The following INTS7 variants were observed in gnomAD, a reference collection of about 807,000 sequenced individuals.
The protein encoded by INTS7 is integrator complex subunit 7, also known as chromosome 1 open reading frame 73.
INTS7 carries 46 observed loss-of-function variants against 109.2 expected under a neutral mutation model. The ratio of observed to expected loss-of-function variants is 0.42; its 90% confidence interval spans 0.33 to 0.54. The LOEUF is 0.54. Ranked by LOEUF, INTS7 falls within the 20% of genes least tolerant of loss-of-function variation. INTS7 has a pLI of 0.07. For synonymous variants in INTS7, 412 were observed against 402.9 expected (o/e 1.02, Z -0.27); for missense variants, 929 against 1,132.4 (o/e 0.82, Z 2.58).
At chr1:212,024,611 CAT>C (rs1238062151) in intron 1 of INTS7, among the ~76,000 whole-genome samples, 2 of 152,166 alleles carry the variant, frequency 1.3e-5, no homozygotes, top group African/African-American at 4.8e-5. Context: ...ACTGGAAACA[CAT>C]ATGTTAATCA....
intron 16 of INTS7, among the ~76,000 whole-genome samples, chr1:211,960,036 C>T (rs886087129): frequency 2.0e-5 from 3 of 152,182 alleles, no homozygotes; most frequent in Non-Finnish European, 4.4e-5. Context: ...CCTAATGAAA[C>T]GCCTTGGCTG....
chr1:211,961,222 G>A (rs1663611138), intron 16 of INTS7, among the ~76,000 whole-genome samples: 1 of 151,848 alleles, frequency 6.6e-6, no homozygotes, highest in Admixed American at 6.6e-5. Context: ...TTCAAATTCA[G>A]GAACTGCAGA....
At position 211,940,511 on chromosome 1, in the gene INTS7, A is replaced by G. The variant is rs1022003955; in HGVS notation, c.*1313T>C. 3.3e-5 allele frequency: 5 copies of G among 152,320 alleles called. No homozygotes were observed. In the East Asian group the frequency reaches 7.7e-4, roughly 24 times the overall value. 9.4% of individuals were successfully genotyped at this position (152,320 alleles called of 1,614,324 possible). On this transcript the variant is annotated 3_prime_UTR_variant, in exon 20 of 20. Coordinates refer to ENST00000366994, the MANE Select transcript of INTS7 (RefSeq NM_015434.4). ...ACTTATAGCATCGGCATCTGCAACC[A>G]TATGATCCCTGATGTTTAGAAATCG... is the stretch of plus-strand genomic sequence containing the variant.
chr1:211,968,801 C>G, intron 13 of INTS7, 94 bp from the exon 14 acceptor site: 1 of 843,086 alleles, frequency 1.2e-6, no homozygotes. Flanking sequence ...TGGTCAAGTG[C>G]AGTAGTTCTC....
chr1:212,011,454 C>A, intron 4 of INTS7, 33 bp from the exon 5 acceptor site: 1 of 1,306,260 alleles, frequency 7.7e-7, no homozygotes, highest in Non-Finnish European at 1.1e-6. Flanking sequence ...ACAGAAAAAA[C>A]TTACATTTGC....
chr1:211,999,206 A>G (rs1284381562), intron 7 of INTS7, among the ~76,000 whole-genome samples: 2 of 152,240 alleles, frequency 1.3e-5, no homozygotes, highest in Non-Finnish European at 2.9e-5. Context: ...CCAAAAACCC[A>G]GAAACAATCC....
chr1:211,956,159 G>T (rs1347788159), intron 16 of INTS7, among the ~76,000 whole-genome samples: 1 of 152,138 alleles, frequency 6.6e-6, no homozygotes, highest in Non-Finnish European at 1.5e-5. Context: ...CTGTTGAAAA[G>T]ACTATTCTTT....
At chr1:212,028,455 C>T (rs1409752291) in intron 1 of INTS7, among the ~76,000 whole-genome samples, 1 of 130,510 alleles carries the variant, frequency 7.7e-6, no homozygotes, top group Non-Finnish European at 1.7e-5. Context: ...AGTGTAGATT[C>T]GGCTCCCATT....
At chr1:211,971,046 C>G (rs1364547511) in intron 13 of INTS7, among the ~76,000 whole-genome samples, 2 of 152,186 alleles carry the variant, frequency 1.3e-5, no homozygotes. Flanking sequence ...CACACACTTC[C>G]AAATTGGAGC....
chr1:211,986,172 G>C (rs1379488195), intron 8 of INTS7, among the ~76,000 whole-genome samples: 1 of 152,100 alleles, frequency 6.6e-6, no homozygotes, highest in Non-Finnish European at 1.5e-5. Context: ...AGCCCACCAA[G>C]AGTCACATGG....
chr1:211,955,089 T>C (rs1455995765), intron 16 of INTS7, among the ~76,000 whole-genome samples: 1 of 152,246 alleles, frequency 6.6e-6, no homozygotes, highest in Non-Finnish European at 1.5e-5. Context: ...TTTGTAGTTC[T>C]CCTTGAAGAG....
intron 13 of INTS7, among the ~76,000 whole-genome samples, chr1:211,972,552 A>G (rs1272906860): frequency 6.6e-6 from 1 of 152,226 alleles, no homozygotes; most frequent in Non-Finnish European, 1.5e-5. Context: ...CAAGCATTTT[A>G]CATTAAGGAA....
At chr1:211,954,937 G>A (rs1663296947) in intron 16 of INTS7, among the ~76,000 whole-genome samples, 1 of 152,180 alleles carries the variant, frequency 6.6e-6, no homozygotes, top group African/African-American at 2.4e-5. Flanking sequence ...TGTGAAGAAA[G>A]TCATTGGTAG....
intron 7 of INTS7, among the ~76,000 whole-genome samples, chr1:211,997,386 A>G (rs1665448242): frequency 6.6e-6 from 1 of 151,912 alleles, no homozygotes; most frequent in South Asian, 2.1e-4. Flanking sequence ...CAATACAAAA[A>G]TTAGACAGGC....
At chr1:212,024,708 T>A (rs1666847400) in intron 1 of INTS7, among the ~76,000 whole-genome samples, 1 of 152,228 alleles carries the variant, frequency 6.6e-6, no homozygotes, top group Non-Finnish European at 1.5e-5. Flanking sequence ...TACTGATGCA[T>A]ACAACAACAA....
intron 4 of INTS7, among the ~76,000 whole-genome samples, chr1:212,015,302 T>C (rs1466461696): frequency 1.3e-5 from 2 of 152,108 alleles, no homozygotes; most frequent in Non-Finnish European, 2.9e-5. Flanking sequence ...AAAGATCAGA[T>C]TGTTACTGTG....
intron 16 of INTS7, among the ~76,000 whole-genome samples, chr1:211,962,900 A>G (rs184660702): frequency 3.1e-4 from 47 of 152,326 alleles, no homozygotes; most frequent in African/African-American, 8.9e-4. Context: ...GTACAGCACT[A>G]AACACCTACA....
chr1:211,981,255 C>T (rs2102427686), intron 9 of INTS7, 65 bp from the exon 10 acceptor site: 1 of 922,540 alleles, frequency 1.1e-6, no homozygotes, highest in Non-Finnish European at 1.8e-6. Context: ...CACACATATA[C>T]ATGCATACAC....
At chr1:211,953,385 T>TA (rs1405496643) in intron 16 of INTS7, among the ~76,000 whole-genome samples, 1 of 152,208 alleles carries the variant, frequency 6.6e-6, no homozygotes, top group East Asian at 1.9e-4. Flanking sequence ...TTTATTTTTT[T>TA]AACTTATTAT....
Sources: allele counts gnomAD v4.1 joint callset (sites outside exome capture counted in the v4.1 genomes callset), GRCh38; gene constraint gnomAD v4.1.1; transcripts MANE v1.5; gene names NCBI Gene and HGNC (gene_info 2026-07-23, HGNC 2026-07-21).